LOC122539214: variants seen among roughly 807,000 people sequenced by gnomAD.
At chr19:52,651,918 A>G in the LOC122539214 span, 1 of 173,934 alleles carries the variant, frequency 5.7e-6, no homozygotes, top group Non-Finnish European at 1.3e-5. Context: ...CTTGAACTCA[A>G]TGTTAAGTCA....
At chr19:52,653,843 C>G in the LOC122539214 span, among the ~76,000 whole-genome samples, 2 of 152,080 alleles carry the variant, frequency 1.3e-5, no homozygotes, top group African/African-American at 4.8e-5. Context: ...GAATGGGTTA[C>G]ATGATGTCTT....
At chr19:52,656,274 C>T in the LOC122539214 span, among the ~76,000 whole-genome samples, 40,406 of 151,856 alleles carry the variant, frequency 0.27, 5,643 homozygotes, top group Middle Eastern at 0.35. Flanking sequence ...ATAATCCTGT[C>T]ACTTTGGGAT....
chr19:52,662,817 C>T, the LOC122539214 span, among the ~76,000 whole-genome samples: 52 of 152,088 alleles, frequency 3.4e-4, no homozygotes, highest in South Asian at 1.0e-3. Flanking sequence ...CGGCTCATTC[C>T]TATGTGATGG....
chr19:52,660,947 C>A, the LOC122539214 span: 1 of 152,702 alleles, frequency 6.5e-6, no homozygotes, highest in East Asian at 1.9e-4. Flanking sequence ...TCACTGCAAC[C>A]TCTGCCTCCC....
chr19:52,676,500 GT>G, the LOC122539214 span, among the ~76,000 whole-genome samples: 1 of 151,268 alleles, frequency 6.6e-6, no homozygotes, highest in African/African-American at 2.4e-5. Context: ...CGGGAGGGAG[GT>G]GGGGGGCAGC....
chr19:52,684,833 A>T, the LOC122539214 span, among the ~76,000 whole-genome samples: 1 of 152,054 alleles, frequency 6.6e-6, no homozygotes, highest in Non-Finnish European at 1.5e-5. Context: ...GAGTCATGAG[A>T]TGAGGGCAAG....
chr19:52,666,255 GAGAC>G, the LOC122539214 span, among the ~76,000 whole-genome samples: 2 of 151,728 alleles, frequency 1.3e-5, no homozygotes, highest in African/African-American at 2.4e-5. Context: ...GAGGGAGAAA[GAGAC>G]AGAGAGTCAG....
the LOC122539214 span, among the ~76,000 whole-genome samples, chr19:52,663,478 A>G: frequency 1.3e-5 from 2 of 152,200 alleles, no homozygotes; most frequent in Non-Finnish European, 2.9e-5. Flanking sequence ...TATGGACCAG[A>G]GGAACTTGAG....
the LOC122539214 span, among the ~76,000 whole-genome samples, chr19:52,688,817 T>C: frequency 6.6e-6 from 1 of 151,854 alleles, no homozygotes; most frequent in African/African-American, 2.4e-5. Context: ...GGTTTAAAAA[T>C]AAAAAGAAAA....
the LOC122539214 span, among the ~76,000 whole-genome samples, chr19:52,687,160 AAC>A: frequency 1.3e-5 from 2 of 148,924 alleles, no homozygotes; most frequent in Non-Finnish European, 3.0e-5. Flanking sequence ...CAGCCTGAGC[AAC>A]AAGAGTAAAA....
At chr19:52,686,308 G>A in the LOC122539214 span, among the ~76,000 whole-genome samples, 3 of 151,872 alleles carry the variant, frequency 2.0e-5, no homozygotes, top group South Asian at 4.2e-4. Flanking sequence ...TGAGGTCAAC[G>A]GGAACTTAAC....
the LOC122539214 span, among the ~76,000 whole-genome samples, chr19:52,687,428 TAATTTATATAGCTATATAA>T: frequency 5.3e-5 from 1 of 18,732 alleles, no homozygotes; most frequent in African/African-American, 3.5e-4. Context: ...ATATAAATTA[TAATTTATATAGCTATATAA>T]ATTATAATAT....
the LOC122539214 span, among the ~76,000 whole-genome samples, chr19:52,656,864 CAA>C: frequency 7.3e-6 from 1 of 136,564 alleles, no homozygotes; most frequent in Non-Finnish European, 1.6e-5. Flanking sequence ...GACTCCGTCT[CAA>C]AAAAAAAAAA....
the LOC122539214 span, among the ~76,000 whole-genome samples, chr19:52,688,827 A>G: frequency 2.0e-5 from 3 of 152,306 alleles, no homozygotes; most frequent in East Asian, 5.8e-4. Context: ...TAAAAAGAAA[A>G]GAACAAGTTT....
the LOC122539214 span, among the ~76,000 whole-genome samples, chr19:52,667,676 C>G: frequency 6.6e-6 from 1 of 152,066 alleles, no homozygotes; most frequent in Non-Finnish European, 1.5e-5. Flanking sequence ...GGGGTAATAT[C>G]CAGTTTTTCT....
At chr19:52,661,995 C>T in the LOC122539214 span, among the ~76,000 whole-genome samples, 84 of 152,182 alleles carry the variant, frequency 5.5e-4, 1 homozygote, top group South Asian at 0.016. Context: ...AAGAAACCTG[C>T]GTGGCTGGAG....
At chr19:52,668,873 G>C in the LOC122539214 span, among the ~76,000 whole-genome samples, 1 of 152,016 alleles carries the variant, frequency 6.6e-6, no homozygotes, top group East Asian at 1.9e-4. Flanking sequence ...GGGGTAACAA[G>C]TTATGCCAAG....
the LOC122539214 span, among the ~76,000 whole-genome samples, chr19:52,656,080 G>T: frequency 1.3e-5 from 2 of 152,138 alleles, no homozygotes; most frequent in Admixed American, 6.5e-5. Context: ...GGGTGTGGTT[G>T]TGCATGCCTC....
chr19:52,676,262 CG>C, the LOC122539214 span, among the ~76,000 whole-genome samples: 7 of 152,196 alleles, frequency 4.6e-5, no homozygotes. Context: ...GGATTGCAGA[CG>C]GAGTCTCGTT....
Sources: gnomAD v4.1 joint callset for allele counts (sites outside exome capture counted in the v4.1 genomes callset) on GRCh38, gnomAD v4.1.1 for gene constraint, MANE v1.5 for transcripts.